RALGPS2: variants seen among roughly 807,000 people sequenced by gnomAD.
RALGPS2 encodes Ral GEF with PH domain and SH3 binding motif 2, also known as ras-specific guanine nucleotide-releasing factor RalGPS2.
Under a neutral mutation model 86.8 loss-of-function variants are expected in RALGPS2, and 43 were observed. The observed-to-expected ratio is 0.50, with a 90% CI of 0.39 to 0.64. The LOEUF is 0.64. RALGPS2 is among the 30% of genes least tolerant of loss of function. RALGPS2 has a pLI of 0.00. For synonymous variants in RALGPS2, 243 were observed against 231.3 expected (o/e 1.05, Z -0.46); for missense variants, 536 against 694.6 (o/e 0.77, Z 2.57).
intron 1 of RALGPS2, among the ~76,000 whole-genome samples, chr1:178,737,425 T>G (rs1363687638): frequency 2.0e-5 from 3 of 152,232 alleles, no homozygotes; most frequent in East Asian, 3.9e-4. Context: ...TTTTTGTATT[T>G]TTAGTAGAGA....
At chr1:178,867,953 A>G (rs1658523104) in intron 8 of RALGPS2, among the ~76,000 whole-genome samples, 8 of 152,066 alleles carry the variant, frequency 5.3e-5, no homozygotes. Context: ...AAATGGGTAG[A>G]TAATGAAAAT....
intron 11 of RALGPS2, 136 bp from the exon 12 acceptor site, chr1:178,884,940 T>C: frequency 1.2e-6 from 1 of 827,856 alleles, no homozygotes; most frequent in Non-Finnish European, 1.7e-6. Context: ...GACTTAGATA[T>C]ATTTCTCATC....
chr1:178,869,820 A>G (rs1362833567), intron 8 of RALGPS2, among the ~76,000 whole-genome samples: 1 of 152,164 alleles, frequency 6.6e-6, no homozygotes, highest in Non-Finnish European at 1.5e-5. Context: ...GGTTTAAGGC[A>G]TACTATTGGT....
At chr1:178,788,012 T>C (rs1183003286) in intron 4 of RALGPS2, among the ~76,000 whole-genome samples, 1 of 152,214 alleles carries the variant, frequency 6.6e-6, no homozygotes, top group East Asian at 1.9e-4. Flanking sequence ...ACAGATCTCT[T>C]CACAGTTTTA....
chr1:178,727,806 G>A (rs1398855817), intron 1 of RALGPS2, among the ~76,000 whole-genome samples: 1 of 152,100 alleles, frequency 6.6e-6, no homozygotes, highest in Non-Finnish European at 1.5e-5. Context: ...TTCCCTAGAG[G>A]TTGGGGACAC....
chr1:178,741,877 C>T (rs568637672), intron 1 of RALGPS2, among the ~76,000 whole-genome samples: 1 of 152,226 alleles, frequency 6.6e-6, no homozygotes, highest in South Asian at 2.1e-4. Flanking sequence ...GTGGCTCACG[C>T]CTGTAATCCC....
At chr1:178,802,779 T>C (rs1224772384) in intron 4 of RALGPS2, among the ~76,000 whole-genome samples, 1 of 152,160 alleles carries the variant, frequency 6.6e-6, no homozygotes, top group African/African-American at 2.4e-5. Context: ...GCATAAATTT[T>C]GATAAATGTT....
At chr1:178,879,142 T>A (rs1572443263) in intron 10 of RALGPS2, 150 bp downstream of exon 10, 1 of 1,093,968 alleles carries the variant, frequency 9.1e-7, no homozygotes, top group Non-Finnish European at 1.2e-6. Context: ...CATGTATTAC[T>A]TCTTAATCAC....
intron 18 of RALGPS2, among the ~76,000 whole-genome samples, chr1:178,905,685 GA>G (rs1466334957): frequency 6.6e-6 from 1 of 152,072 alleles, no homozygotes; most frequent in African/African-American, 2.4e-5. Flanking sequence ...TTAGGTCAAT[GA>G]AAAAAGGAAA....
In RALGPS2 at chr1:178,885,306, A is replaced by C. The variant is rs139725575; in HGVS notation, c.1040+95A>C. 9.7e-6 allele frequency: 12 copies of C among 1,242,428 alleles called. No homozygotes were observed. The African/African-American group carries it at 1.7e-4, about 18-fold the overall frequency. 77.0% of individuals were successfully genotyped at this position (1,242,428 alleles called of 1,614,324 possible). ...GTTCAGTAGAAAATGGTATCCTTGA[A>C]TAGTTTTCTTTTTTCTTAATAGCTG... On this transcript the variant is annotated intron_variant, in intron 12 of 19. Transcript: ENST00000367635.
intron 1 of RALGPS2, among the ~76,000 whole-genome samples, chr1:178,760,599 A>C (rs1652189216): frequency 6.6e-6 from 1 of 152,182 alleles, no homozygotes; most frequent in Non-Finnish European, 1.5e-5. Context: ...TGAAGACAGC[A>C]GACGGATGGG....
intron 8 of RALGPS2, among the ~76,000 whole-genome samples, chr1:178,867,858 T>C (rs1221860232): frequency 6.6e-6 from 1 of 151,936 alleles, no homozygotes; most frequent in Non-Finnish European, 1.5e-5. Context: ...ATAACTCTTA[T>C]GCTGTCGTCA....
chr1:178,752,993 AT>A (rs1307815114), intron 1 of RALGPS2, among the ~76,000 whole-genome samples: 3 of 152,140 alleles, frequency 2.0e-5, no homozygotes, highest in African/African-American at 7.2e-5. Context: ...CTTTTCTGTT[AT>A]TGTGACAAAC....
At chr1:178,770,543 C>G (rs1652749066) in intron 1 of RALGPS2, among the ~76,000 whole-genome samples, 1 of 146,288 alleles carries the variant, frequency 6.8e-6, no homozygotes, top group Admixed American at 6.8e-5. Flanking sequence ...CAGTCTTGCA[C>G]TCTCGCCCAG....
chr1:178,735,761 TA>T (rs1211633767), intron 1 of RALGPS2, among the ~76,000 whole-genome samples: 2 of 152,002 alleles, frequency 1.3e-5, no homozygotes. Flanking sequence ...CCATAAAAAA[TA>T]AAAATAAGCA....
chr1:178,888,524 C>T (rs999052301), intron 13 of RALGPS2, among the ~76,000 whole-genome samples: 4 of 152,102 alleles, frequency 2.6e-5, no homozygotes, highest in Admixed American at 2.0e-4. Context: ...GAGCTTCATG[C>T]TTACATTTTC....
chr1:178,777,073 G>A (rs1045946308), intron 2 of RALGPS2, among the ~76,000 whole-genome samples: 1 of 150,598 alleles, frequency 6.6e-6, no homozygotes, highest in Non-Finnish European at 1.5e-5. Context: ...CTAGCATTAG[G>A]TATATCTCCC....
chr1:178,835,185 A>G (rs139744594), intron 8 of RALGPS2, among the ~76,000 whole-genome samples: 26 of 152,308 alleles, frequency 1.7e-4, no homozygotes, highest in African/African-American at 6.3e-4. Flanking sequence ...CACAATTCAG[A>G]AGAATGTGTA....
At chr1:178,795,848 C>T (rs1351033970) in intron 4 of RALGPS2, among the ~76,000 whole-genome samples, 4 of 152,152 alleles carry the variant, frequency 2.6e-5, no homozygotes. Context: ...GTTCCAGCAT[C>T]AGGAATATCA....
Sources: allele counts gnomAD v4.1 joint callset (sites outside exome capture counted in the v4.1 genomes callset), GRCh38; gene constraint gnomAD v4.1.1; transcripts MANE v1.5; gene names NCBI Gene and HGNC (gene_info 2026-07-23, HGNC 2026-07-21).